PDZRN4: variants seen among roughly 807,000 people sequenced by gnomAD.
The protein encoded by PDZRN4 is PDZ domain containing ring finger 4.
PDZRN4 carries 70 observed loss-of-function variants against 99.0 expected under a neutral mutation model. That is an observed-to-expected ratio of 0.71 (90% CI 0.58 to 0.86). The LOEUF (loss-of-function observed/expected upper bound fraction) is 0.86. Among genes scored for constraint, PDZRN4 ranks in the 40% least tolerant of loss-of-function variants. PDZRN4 has a pLI of 0.00. For synonymous variants in PDZRN4, 551 were observed against 501.6 expected, an observed-to-expected ratio of 1.10 and a Z score of -1.32; for missense variants, 1,474 against 1,331.2, an observed-to-expected ratio of 1.11 and a Z score of -1.67.
chr12:41,407,116 T>G (rs1485519539), intron 3 of PDZRN4, among the ~76,000 whole-genome samples: 18 of 152,166 alleles, frequency 1.2e-4, no homozygotes, highest in Admixed American at 1.2e-3. Context: ...AACTATTCAT[T>G]TATTTTCTGT....
intron 5 of PDZRN4, among the ~76,000 whole-genome samples, chr12:41,545,231 A>T (rs1938925394): frequency 6.6e-6 from 1 of 152,172 alleles, no homozygotes; most frequent in African/African-American, 2.4e-5. Context: ...CTGCAGTTTT[A>T]GTGTTCACCA....
At chr12:41,453,063 G>A (rs907443437) in intron 3 of PDZRN4, among the ~76,000 whole-genome samples, 2 of 152,188 alleles carry the variant, frequency 1.3e-5, no homozygotes, top group African/African-American at 4.8e-5. Flanking sequence ...GGAATGGCCT[G>A]TCAGAGTTGT....
At chr12:41,555,287 C>T (rs1939138004) in intron 6 of PDZRN4, among the ~76,000 whole-genome samples, 1 of 147,976 alleles carries the variant, frequency 6.8e-6, no homozygotes, top group Non-Finnish European at 1.5e-5. Flanking sequence ...CAGCTATCAG[C>T]TTTGCTAAGA....
intron 3 of PDZRN4, among the ~76,000 whole-genome samples, chr12:41,392,846 C>T (rs1243874982): frequency 6.6e-6 from 1 of 152,106 alleles, no homozygotes; most frequent in African/African-American, 2.4e-5. Flanking sequence ...CAAAGTAGCC[C>T]AGATAGTGGA....
chr12:41,336,155 A>T (rs572951303), intron 3 of PDZRN4, among the ~76,000 whole-genome samples: 5 of 152,154 alleles, frequency 3.3e-5, no homozygotes, highest in Non-Finnish European at 7.4e-5. Context: ...AATCTGGCCA[A>T]TAATATGCCA....
At chr12:41,451,038 G>A (rs1952770315) in intron 3 of PDZRN4, among the ~76,000 whole-genome samples, 1 of 151,748 alleles carries the variant, frequency 6.6e-6, no homozygotes, top group Non-Finnish European at 1.5e-5. Flanking sequence ...CATCCAAGGA[G>A]ATAGTATTGT....
chr12:41,342,285 G>A (rs546950795), intron 3 of PDZRN4, among the ~76,000 whole-genome samples: 1 of 151,688 alleles, frequency 6.6e-6, no homozygotes, highest in Non-Finnish European at 1.5e-5. Context: ...ATAACAGTGG[G>A]CTGGGTAAGG....
At chr12:41,253,922 A>G (rs1951187314) in intron 3 of PDZRN4, among the ~76,000 whole-genome samples, 1 of 152,084 alleles carries the variant, frequency 6.6e-6, no homozygotes. Context: ...CATATGGAGA[A>G]GTTAATAAAA....
At chr12:41,528,813 T>G (rs1000112247) in intron 5 of PDZRN4, among the ~76,000 whole-genome samples, 1 of 152,216 alleles carries the variant, frequency 6.6e-6, no homozygotes, top group Middle Eastern at 3.2e-3. Flanking sequence ...TTTCAAAAAG[T>G]GTTATAACCC....
At chr12:41,385,673 T>A (rs1262963122) in intron 3 of PDZRN4, among the ~76,000 whole-genome samples, 2 of 152,094 alleles carry the variant, frequency 1.3e-5, no homozygotes, top group Admixed American at 1.3e-4. Context: ...ATTTAGTTAG[T>A]AATAAGTAGC....
chr12:41,395,700 C>T (rs551826659), intron 3 of PDZRN4, among the ~76,000 whole-genome samples: 125 of 152,194 alleles, frequency 8.2e-4, no homozygotes, highest in African/African-American at 2.9e-3. Flanking sequence ...CAAAGTATAC[C>T]TATCTTTACC....
intron 3 of PDZRN4, among the ~76,000 whole-genome samples, chr12:41,281,742 C>A (rs1951387383): frequency 6.6e-6 from 1 of 152,152 alleles, no homozygotes; most frequent in African/African-American, 2.4e-5. Flanking sequence ...CTATGTTTCA[C>A]TGGTGTACCT....
At chr12:41,412,863 G>C (rs1952410676) in intron 3 of PDZRN4, 1 of 152,148 alleles carries the variant, frequency 6.6e-6, no homozygotes, top group Admixed American at 6.6e-5. Context: ...GCCGAGGTGG[G>C]CAGATCACTT....
chr12:41,301,834 A>T (rs970591732), intron 3 of PDZRN4, among the ~76,000 whole-genome samples: 15 of 152,022 alleles, frequency 9.9e-5, no homozygotes, highest in Admixed American at 2.6e-4. Context: ...TTGAGATCAA[A>T]CCCTCATAAT....
At position 41,452,274 on chromosome 12, in the gene PDZRN4, C is replaced by T. The variant is rs947965974; in HGVS notation, c.844-54182C>T. ...GAAACCCTGTCTCTACTAAAAAATA[C>T]AAAAAAAAAAAAAAATTAGCCAGTC... is the stretch of plus-strand genomic sequence containing the variant. On this transcript the variant is annotated intron_variant, in intron 3 of 9. Coordinates refer to ENST00000402685, the MANE Select transcript of PDZRN4 (RefSeq NM_001164595.2). Among the ~76,000 whole-genome samples the T allele has an allele frequency of 2.2e-5, 3 of 135,644 alleles. No homozygotes were observed. In the South Asian group the frequency reaches 7.1e-4, roughly 32 times the overall value. The allele number at this position is 135,644 out of a possible 152,430, so 89.0% of individuals were successfully genotyped here.
At chr12:41,238,970 C>A (rs2120777817) in intron 3 of PDZRN4, among the ~76,000 whole-genome samples, 1 of 152,184 alleles carries the variant, frequency 6.6e-6, no homozygotes, top group South Asian at 2.1e-4. Flanking sequence ...GAGTAGTATA[C>A]CCAAAGGACT....
chr12:41,292,034 T>G (rs7962171), intron 3 of PDZRN4, among the ~76,000 whole-genome samples: 20,149 of 152,148 alleles, frequency 0.13, 1,746 homozygotes, highest in African/African-American at 0.25. Context: ...GCAGTCTTCA[T>G]CAGAGGTGAA....
chr12:41,236,638 G>A (rs1461875071), intron 3 of PDZRN4, among the ~76,000 whole-genome samples: 1 of 152,066 alleles, frequency 6.6e-6, no homozygotes, highest in Non-Finnish European at 1.5e-5. Flanking sequence ...GTGGGGGAGT[G>A]GGACTCTGAA....
At chr12:41,411,277 C>A in intron 3 of PDZRN4, among the ~76,000 whole-genome samples, 1 of 152,202 alleles carries the variant, frequency 6.6e-6, no homozygotes, top group East Asian at 1.9e-4. Context: ...ATAAGTACAG[C>A]TCTCCTATTT....
Sources: allele counts gnomAD v4.1 joint callset (sites outside exome capture counted in the v4.1 genomes callset), GRCh38; gene constraint gnomAD v4.1.1; transcripts MANE v1.5; gene names NCBI Gene and HGNC (gene_info 2026-07-23, HGNC 2026-07-21).